The following ZNF423 variants were observed in gnomAD, a reference collection of about 807,000 sequenced individuals.
The protein encoded by ZNF423 is Ebf-associated zinc finger protein.
ZNF423 carries 12 observed loss-of-function variants against 95.8 expected under a neutral mutation model. That is an observed-to-expected ratio of 0.13 (90% CI 0.08 to 0.20). The LOEUF (loss-of-function observed/expected upper bound fraction) is 0.20. Ranked by LOEUF, ZNF423 falls within the 10% of genes least tolerant of loss-of-function variation. The pLI is 1.00. For missense variants in ZNF423, 1,316 were observed against 1,737.1 expected (o/e 0.76, Z 4.31); for synonymous variants, 749 against 711.9 (o/e 1.05, Z -0.83).
At chr16:49,722,270 C>A (rs2032888263) in intron 3 of ZNF423, among the ~76,000 whole-genome samples, 1 of 152,190 alleles carries the variant, frequency 6.6e-6, no homozygotes, top group Admixed American at 6.5e-5. Context: ...GTCCACCCTG[C>A]CCATCCACTT....
chr16:49,503,120 G>T (rs563313927), intron 7 of ZNF423, among the ~76,000 whole-genome samples: 1 of 151,716 alleles, frequency 6.6e-6, no homozygotes, highest in East Asian at 2.0e-4. Context: ...AGTGCTAAGC[G>T]GTCAGAGGCC....
At chr16:49,523,516 C>G in intron 7 of ZNF423, 108 bp downstream of exon 7, 1 of 896,048 alleles carries the variant, frequency 1.1e-6, no homozygotes, top group Non-Finnish European at 1.8e-6. Context: ...TGATTGCAGA[C>G]CTGCCAGCAT....
At chr16:49,786,023 C>T (rs1048400239) in intron 2 of ZNF423, among the ~76,000 whole-genome samples, 4 of 152,232 alleles carry the variant, frequency 2.6e-5, no homozygotes, top group Non-Finnish European at 5.9e-5. Context: ...TCCAGCTCCA[C>T]ACCTCCAAGG....
chr16:49,837,173 A>T (rs2035129382), intron 1 of ZNF423, among the ~76,000 whole-genome samples: 1 of 151,976 alleles, frequency 6.6e-6, no homozygotes, highest in South Asian at 2.1e-4. Context: ...TAATGTACAG[A>T]GGGGGCCCTG....
Position 49,638,273 on chromosome 16 carries a change from C to T in ZNF423, c.903G>A (p.Ala301=), listed in dbSNP as rs777817106. ...LTRHPQLSEK[A]DLQCIHCPEV... ...CAGGGCAGTGAATGCACTGCAGGTC[C>T]GCCTTCTCGGACAGCTGCGGGTGGC... Residue 301 remains alanine (A), a synonymous_variant, in exon 4 of 8, where the codon GCG becomes GCA. Coordinates refer to ENST00000563137, the MANE Select transcript of ZNF423 (RefSeq NM_001379286.1). The surrounding 1 kb of genome is among the most constrained non-coding windows in gnomAD (Gnocchi z 5.6). The T allele has an allele frequency of 1.6e-5, 26 of 1,613,062 alleles. No homozygotes were observed. The East Asian group carries it at 2.7e-4, about 17-fold the overall frequency.
intron 2 of ZNF423, among the ~76,000 whole-genome samples, chr16:49,783,579 G>C (rs1460503064): frequency 2.2e-5 from 3 of 135,228 alleles, no homozygotes; most frequent in Non-Finnish European, 4.7e-5. Flanking sequence ...GAAAGAGGGG[G>C]GGTTAGGTGT....
At chr16:49,644,658 CAAAAAAAAAAAAAAAAAAAAAAAAAA>C (rs56066766) in intron 3 of ZNF423, among the ~76,000 whole-genome samples, 1 of 39,566 alleles carries the variant, frequency 2.5e-5, no homozygotes, top group Non-Finnish European at 4.3e-5. Context: ...AACTCTGACT[CAAAAAAAAAAAAAAAAAAAAAAAAAA>C]AAAAAAAAAA....
Position 49,637,847 on chromosome 16 carries a change from G to A in ZNF423, c.1329C>T (p.Asp443=), listed in dbSNP as rs753736587. ...GACATGTGTGGCTCTGCTGGGGCTT[G>A]TCCGCGTGGATGGTCTTCAGGTGGA... The part of the protein sequence containing the change: ...LEIHLKTIHA[D]KPQQSHTCQI... Residue 443 remains aspartate (D), a synonymous_variant, in exon 4 of 8, where the codon GAC becomes GAT. Transcript: ENST00000563137. The surrounding 1 kb of genome is among the most constrained non-coding windows in gnomAD (Gnocchi z 5.6). 2 of 1,614,192 alleles carry A rather than the reference G, an allele frequency of 1.2e-6. No homozygotes were observed. The highest frequency in any genetic ancestry group is 1.7e-6 in the Non-Finnish European group (2 of 1,180,038).
intron 3 of ZNF423, among the ~76,000 whole-genome samples, chr16:49,650,221 A>G (rs1356140909): frequency 6.6e-6 from 1 of 152,218 alleles, no homozygotes; most frequent in Non-Finnish European, 1.5e-5. Context: ...GAAGAAACTC[A>G]GTCAATTGCA....
chr16:49,517,715 T>A (rs1413726168), intron 7 of ZNF423: 2 of 239,994 alleles, frequency 8.3e-6, no homozygotes, highest in African/African-American at 4.7e-5. Flanking sequence ...CAGTTAATGG[T>A]GAGTTTCTTG....
chr16:49,851,676 T>C (rs2035303645), intron 1 of ZNF423, among the ~76,000 whole-genome samples: 1 of 152,234 alleles, frequency 6.6e-6, no homozygotes, highest in Non-Finnish European at 1.5e-5. Flanking sequence ...ACCCGCATTT[T>C]GCACCTTTCA....
chr16:49,706,110 G>A (rs778229390), intron 3 of ZNF423, among the ~76,000 whole-genome samples: 3 of 152,126 alleles, frequency 2.0e-5, no homozygotes, highest in Non-Finnish European at 4.4e-5. Context: ...GAGGTGGGGA[G>A]TGGTAAGATA....
intron 1 of ZNF423, among the ~76,000 whole-genome samples, chr16:49,811,439 C>G (rs1405705095): frequency 1.3e-5 from 2 of 152,182 alleles, no homozygotes; most frequent in East Asian, 1.9e-4. Context: ...CAACCCAGCC[C>G]ACGCTGCCAC....
intron 3 of ZNF423, among the ~76,000 whole-genome samples, chr16:49,724,240 C>T (rs1243577033): frequency 6.6e-6 from 1 of 152,166 alleles, no homozygotes; most frequent in Non-Finnish European, 1.5e-5. Flanking sequence ...TGGGTTTGCT[C>T]CCTGGTTTTT....
At position 49,855,490 on chromosome 16, in the gene ZNF423, G is replaced by A. The variant is rs1258253119; in HGVS notation, c.40+245C>T. On this transcript the variant is annotated intron_variant, in intron 1 of 7. Coordinates refer to ENST00000563137, the MANE Select transcript of ZNF423 (RefSeq NM_001379286.1). This position sits in a 1 kb window ranked among gnomAD's most constrained non-coding sequence, Gnocchi z 4.7. ...CGACGGCGCCGAGTCCGGGCAGGGA[G>A]GGTGTCCGCGGCGTACCCCCTCCGC... Among the ~76,000 whole-genome samples the A allele has an allele frequency of 1.3e-5, 2 of 148,454 alleles. No individual in the cohort carries two copies. The highest frequency in any genetic ancestry group is 2.5e-5 in the African/African-American group (1 of 39,984).
chr16:49,636,812 A>T lies in ZNF423; in HGVS notation c.2364T>A (p.Ala788=). ...TCTCCCCACAGAAGATGCACTTGTG[A>T]GCCTTGGCCGGGTTGCCCAGGTGGC... ...KHSHLGNPAK[A]HKCIFCGETF... Residue 788 remains alanine, a synonymous_variant, in exon 4 of 8, where the codon GCT becomes GCA. Transcript: ENST00000563137. This position sits in a 1 kb window ranked among gnomAD's most constrained non-coding sequence, Gnocchi z 8.6. The T allele has an allele frequency of 6.2e-7, 1 of 1,613,936 alleles. No individual in the cohort carries two copies. Among genetic ancestry groups the T allele is most frequent in the Admixed American group, 1.7e-5 (1 of 60,022 alleles).
intron 1 of ZNF423, among the ~76,000 whole-genome samples, chr16:49,829,510 T>C (rs1023008717): frequency 3.9e-5 from 6 of 152,148 alleles, no homozygotes; most frequent in African/African-American, 1.4e-4. Flanking sequence ...ACCAAACCTG[T>C]GCAGAAAGGG....
Position 49,676,773 on chromosome 16 carries a change from G to A in ZNF423, c.302-37899C>T, listed in dbSNP as rs548209179. Among the ~76,000 whole-genome samples the A allele has an allele frequency of 3.0e-4, 45 of 152,346 alleles. No homozygotes were observed. In the South Asian group the frequency reaches 7.2e-3, roughly 25 times the overall value. On this transcript the variant is annotated intron_variant, in intron 3 of 7. Coordinates refer to ENST00000563137, the MANE Select transcript of ZNF423 (RefSeq NM_001379286.1). ...CAACTGACCTTCTAACTCATGCCAC[G>A]GGGCTGGCAAAGCTGTCTACAGAGA...
rs1435721696 is a variant in ZNF423, at chr16:49,536,432, G to T, written c.3602-10938C>A. On this transcript the variant is annotated intron_variant, in intron 5 of 7. Transcript: ENST00000563137. The stretch of plus-strand genomic sequence containing the variant: ...CCTGTGGCTCTTTAGTTTCTGGGTG[G>T]TTTTTTTTTTTTTTTTTGGTTTTTT... 1.3e-3 allele frequency among the ~76,000 whole-genome samples: 168 copies of T among 126,776 alleles called. 1 individual carries two copies. The highest frequency in any genetic ancestry group is 4.0e-3 in the African/African-American group (132 of 33,412). 83.2% of individuals were successfully genotyped at this position (126,776 alleles called of 152,430 possible).
Sources: gnomAD v4.1 joint callset for allele counts (sites outside exome capture counted in the v4.1 genomes callset) on GRCh38, gnomAD v4.1.1 for gene constraint, Gnocchi (gnomAD v3.1) non-coding constraint, MANE v1.5 for transcripts, NCBI Gene and HGNC (gene_info 2026-07-23, HGNC 2026-07-21) for gene names.